Variants in SPTSSB observed in about 807,000 individuals in gnomAD.
SPTSSB encodes serine palmitoyltransferase small subunit B.
In SPTSSB, 6 loss-of-function variants were observed where a neutral mutation model predicts 7.7. That is an observed-to-expected ratio of 0.78 (90% confidence interval 0.43 to 1.54). The LOEUF (loss-of-function observed/expected upper bound fraction) is 1.54, where lower values mean the gene tolerates loss of function less well. SPTSSB is among the 40% of genes most tolerant of loss of function. The probability of loss-of-function intolerance (pLI) is 0.01; values close to 1 mark genes in which losing one functional copy is unlikely to be tolerated. For synonymous variants in SPTSSB, 28 were observed against 29.7 expected (o/e 0.94, Z 0.19); for missense variants, 91 against 93.0 (o/e 0.98, Z 0.09).
intron 1 of SPTSSB, among the ~76,000 whole-genome samples, chr3:161,369,314 C>CTTTCTTTCTTTCTTTCTTTCTTTCTT (rs1278233391): frequency 6.1e-4 from 40 of 65,708 alleles, no homozygotes; most frequent in East Asian, 2.3e-3. Flanking sequence ...TTCTTTCTTT[C>CTTTCTTTCTTTCTTTCTTTCTTTCTT]TCTTTCTTTC....
At chr3:161,368,429 C>CTT (rs35828837) in intron 1 of SPTSSB, among the ~76,000 whole-genome samples, 3 of 134,790 alleles carry the variant, frequency 2.2e-5, no homozygotes, top group Non-Finnish European at 1.6e-5. Flanking sequence ...ATCTTACCTT[C>CTT]TTTTTTTTTT....
intron 1 of SPTSSB, among the ~76,000 whole-genome samples, chr3:161,369,509 G>A (rs1715414626): frequency 6.9e-6 from 1 of 145,026 alleles, no homozygotes; most frequent in Non-Finnish European, 1.5e-5. Context: ...ACCTTCTCAT[G>A]TGTAAATTGG....
intron 1 of SPTSSB, among the ~76,000 whole-genome samples, chr3:161,370,473 CAT>C (rs1386221511): frequency 6.6e-6 from 1 of 152,144 alleles, no homozygotes; most frequent in Non-Finnish European, 1.5e-5. Flanking sequence ...TTTTAAACAG[CAT>C]AGGAATAATT....
rs974740799 is a variant in SPTSSB, at chr3:161,345,137, G to A, written c.*956C>T. ...TGTTTTAAAGATAAACAGTTTGAAG[G>A]AAATTTAATAAATCTTGTTTTGGCT... On this transcript the variant is annotated 3_prime_UTR_variant, in exon 3 of 3. Transcript: ENST00000620149. The A allele has an allele frequency of 2.0e-5, 3 of 152,554 alleles. No individual in the cohort carries two copies. The highest frequency in any genetic ancestry group is 7.2e-5 in the African/African-American group (3 of 41,422). The allele number at this position is 152,554 out of a possible 1,614,324, so 9.5% of individuals were successfully genotyped here. A position where few individuals can be genotyped will look rare whatever the true frequency, so the allele number is the denominator to read the frequency against.
intron 2 of SPTSSB, among the ~76,000 whole-genome samples, chr3:161,351,218 G>T (rs1576895610): frequency 1.3e-5 from 2 of 152,212 alleles, no homozygotes; most frequent in East Asian, 3.9e-4. Context: ...ATCAATATTG[G>T]TTCATTAATT....
At chr3:161,357,758 G>C (rs1037240761) in intron 2 of SPTSSB, among the ~76,000 whole-genome samples, 2 of 151,948 alleles carry the variant, frequency 1.3e-5, no homozygotes, top group African/African-American at 4.8e-5. Flanking sequence ...AGACAGGCGA[G>C]ATCAGAGTTA....
At chr3:161,368,230 C>T (rs1422513467) in intron 1 of SPTSSB, among the ~76,000 whole-genome samples, 3 of 152,148 alleles carry the variant, frequency 2.0e-5, no homozygotes, top group African/African-American at 7.2e-5. Context: ...TTTTAATACT[C>T]TGGAAAATTT....
chr3:161,364,481 A>G lies in SPTSSB; in HGVS notation c.-125-4587T>C, dbSNP rs9838693. ...AGCAGCAAAGTTACTGGGTTTCCAT[A>G]TGTTGGTCACAAGTTAGCTTTTCAT... On this transcript the variant is annotated intron_variant, in intron 1 of 2. Transcript: ENST00000620149. Among the ~76,000 whole-genome samples the G allele has an allele frequency of 9.5e-3, 1,447 of 152,278 alleles. 35 individuals carry two copies. The highest frequency in any genetic ancestry group is 0.014 in the South Asian group (69 of 4,826).
chr3:161,345,455 A>G lies in SPTSSB; in HGVS notation c.*638T>C, dbSNP rs1008337546. On this transcript the variant is annotated 3_prime_UTR_variant, in exon 3 of 3. Transcript: ENST00000620149. ...TATAATACTTACTTGGTTATCTAAA[A>G]TCAACATTGTTGATTTTAAACGGTT... 1.3e-5 allele frequency: 2 copies of G among 152,640 alleles called. No individual in the cohort carries two copies. The highest frequency in any genetic ancestry group is 2.4e-5 in the African/African-American group (1 of 41,448). The allele number at this position is 152,640 out of a possible 1,614,324, so 9.5% of individuals were successfully genotyped here.
chr3:161,353,019 C>T (rs1019988586), intron 2 of SPTSSB, among the ~76,000 whole-genome samples: 1 of 152,078 alleles, frequency 6.6e-6, no homozygotes. Context: ...AACACCTGGA[C>T]ACTTGAAGAC....
Position 161,369,299 on chromosome 3 carries a change from T to TTTCTTTC in SPTSSB, c.-126+2129_-126+2135dup. On this transcript the variant is annotated intron_variant, in intron 1 of 2. Coordinates refer to ENST00000620149, the MANE Select transcript of SPTSSB (RefSeq NM_001040100.2). ...CTTCTTTCTTTCTTTTCTTTCTTTC[T>TTTCTTTC]TTCTTTCTTTCTTTCTCTTTCTTTC... Among the ~76,000 whole-genome samples the TTTCTTTC allele has an allele frequency of 4.6e-5, 3 of 64,972 alleles. 1 individual carries two copies. In the Middle Eastern group the frequency reaches 0.017, roughly 378 times the overall value. The allele number at this position is 64,972 out of a possible 152,430, so 42.6% of individuals were successfully genotyped here. A position where few individuals can be genotyped will look rare whatever the true frequency, so the allele number is the denominator to read the frequency against.
chr3:161,355,064 T>A (rs1160377058), intron 2 of SPTSSB, among the ~76,000 whole-genome samples: 2 of 152,220 alleles, frequency 1.3e-5, no homozygotes, highest in Admixed American at 1.3e-4. Flanking sequence ...TTGCTTCTGC[T>A]GTCCTTTCAC....
intron 1 of SPTSSB, among the ~76,000 whole-genome samples, chr3:161,367,100 C>T (rs1006020013): frequency 3.3e-5 from 5 of 152,214 alleles, no homozygotes; most frequent in African/African-American, 4.8e-5. Context: ...TCACTTGAAC[C>T]TGGGAGGCGG....
chr3:161,365,001 T>C (rs527320657), intron 1 of SPTSSB, among the ~76,000 whole-genome samples: 9 of 152,316 alleles, frequency 5.9e-5, no homozygotes, highest in African/African-American at 2.2e-4. Context: ...TAGCTTGGAA[T>C]TACTAATTGA....
At chr3:161,347,078 T>C (rs561338971) in intron 2 of SPTSSB, among the ~76,000 whole-genome samples, 135 of 152,320 alleles carry the variant, frequency 8.9e-4, no homozygotes, top group Non-Finnish European at 7.9e-4. Context: ...GAAATGACTT[T>C]GGAGCCCAAG....
intron 1 of SPTSSB, among the ~76,000 whole-genome samples, chr3:161,368,797 A>G (rs1015212647): frequency 1.3e-5 from 2 of 152,224 alleles, no homozygotes; most frequent in African/African-American, 4.8e-5. Context: ...CCTATTGTGG[A>G]TATGTTATGT....
rs1166151672 is a variant in SPTSSB at position 161,359,133 on chromosome 3, TTTTC to T, written c.-33+665_-33+668del. On this transcript the variant is annotated intron_variant, in intron 2 of 2. Coordinates refer to ENST00000620149, the MANE Select transcript of SPTSSB (RefSeq NM_001040100.2). ...GTGTTTTTTTTGTAATTCTATTTCCTTTTCTTTCTTTATTAAAAATAAAGGAACC... is the reference window on the plus strand; with the variant it reads ...GTGTTTTTTTTGTAATTCTATTTCCTTTTCTTTATTAAAAATAAAGGAACC... Among the ~76,000 whole-genome samples the T allele has an allele frequency of 1.8e-4, 27 of 152,182 alleles. 1 individual carries two copies. The highest frequency in any genetic ancestry group is 1.7e-3 in the Admixed American group (26 of 15,272).
At chr3:161,349,120 G>A (rs369427567) in intron 2 of SPTSSB, among the ~76,000 whole-genome samples, 2 of 152,212 alleles carry the variant, frequency 1.3e-5, no homozygotes, top group East Asian at 1.9e-4. Context: ...CTACTATGTG[G>A]CTCCTTCTGA....
intron 2 of SPTSSB, among the ~76,000 whole-genome samples, chr3:161,349,175 G>T (rs1352725765): frequency 6.6e-6 from 1 of 152,076 alleles, no homozygotes; most frequent in African/African-American, 2.4e-5. Flanking sequence ...GGCATTACAG[G>T]CAGGAGATGC....
Sources: gnomAD v4.1 joint callset for allele counts (sites outside exome capture counted in the v4.1 genomes callset) on GRCh38, gnomAD v4.1.1 for gene constraint, MANE v1.5 for transcripts, NCBI Gene and HGNC (gene_info 2026-07-23, HGNC 2026-07-21) for gene names.